Variants in HIF1A observed in about 807,000 individuals in gnomAD.
HIF1A encodes the protein hypoxia inducible factor 1 subunit alpha.
HIF1A carries 24 observed loss-of-function variants against 92.7 expected under a neutral mutation model. The ratio of observed to expected loss-of-function variants is 0.26; its 90% CI spans 0.19 to 0.36. The LOEUF (loss-of-function observed/expected upper bound fraction) is 0.36, where lower values mean the gene tolerates loss of function less well. HIF1A is among the 10% of genes least tolerant of loss of function. HIF1A has a pLI of 1.00. For synonymous variants in HIF1A, 319 were observed against 338.7 expected, an observed-to-expected ratio of 0.94 and a Z score of 0.64; for missense variants, 799 against 998.5, an observed-to-expected ratio of 0.80 and a Z score of 2.69.
At position 61,738,351 on chromosome 14, in the gene HIF1A, G is replaced by A. The variant is rs753967037; in HGVS notation, c.1514G>A (p.Ser505Asn). 1.2e-6 allele frequency: 2 copies of A among 1,608,890 alleles called. No homozygotes were observed. The highest frequency in any genetic ancestry group is 1.7e-6 in the Non-Finnish European group (2 of 1,177,384). Residue 505 changes from serine to asparagine, a missense_variant, in exon 10 of 15, where the codon AGC (serine) becomes AAC (asparagine). Ser to Asn is a conservative substitution (Grantham distance 46). This residue lies in a region of HIF1A where 516 missense variants were observed against 721.0 expected (regional missense o/e 0.72). Transcript: ENST00000337138. ...QDQTPSPSDGSTRQSSPEPNS... is the reference protein window; with the variant it reads ...QDQTPSPSDGNTRQSSPEPNS... ...CAGACACCTAGTCCTTCCGATGGAAGCACTAGACAAAGTTCACCTGAGGTA... is the reference window on the plus strand; with the variant it reads ...CAGACACCTAGTCCTTCCGATGGAAACACTAGACAAAGTTCACCTGAGGTA...
At chr14:61,743,739 C>G (rs2044742555) in intron 12 of HIF1A, among the ~76,000 whole-genome samples, 1 of 152,162 alleles carries the variant, frequency 6.6e-6, no homozygotes, top group African/African-American at 2.4e-5. Flanking sequence ...AGCTGATGTA[C>G]TTTACTCATT....
In HIF1A at chr14:61,734,186, A is replaced by G. The variant is rs1409017989; in HGVS notation, c.929A>G (p.Lys310Arg). The change falls in exon 8 of 15, where the codon AAA becomes AGA. Residue 310 changes from lysine (K) to arginine (R), a missense_variant. Around this residue, in one of 2 missense-constraint regions of HIF1A, gnomAD observed 516 missense variants for 721.0 expected, o/e 0.72. Transcript: ENST00000337138. ...VTTGQYRMLA[K>R]RGGYVWVETQ... Reference sequence around the variant, plus strand: ...ACAGGACAGTACAGGATGCTTGCCAAAAGAGGTGGATATGTCTGGGTTGAA... The same window carrying G: ...ACAGGACAGTACAGGATGCTTGCCAGAAGAGGTGGATATGTCTGGGTTGAA... 37 of 1,613,094 alleles carry G rather than the reference A, an allele frequency of 2.3e-5. No homozygotes were observed. Among genetic ancestry groups the G allele is most frequent in the Middle Eastern group, 3.3e-4 (2 of 6,056 alleles).
intron 1 of HIF1A, among the ~76,000 whole-genome samples, chr14:61,711,455 A>G (rs2044307439): frequency 6.6e-6 from 1 of 152,144 alleles, no homozygotes; most frequent in South Asian, 2.1e-4. Flanking sequence ...AAAAGACATG[A>G]GTGTAGATGA....
chr14:61,720,963 C>T (rs142678068), intron 2 of HIF1A, among the ~76,000 whole-genome samples: 3,155 of 152,168 alleles, frequency 0.021, 52 homozygotes, highest in Non-Finnish European at 0.03. Flanking sequence ...TGACTCAGGC[C>T]GGGCGCGGTG....
chr14:61,699,073 T>G (rs1452623058), intron 1 of HIF1A: 2 of 152,218 alleles, frequency 1.3e-5, no homozygotes, highest in Non-Finnish European at 2.9e-5. Flanking sequence ...AAAACTGTCC[T>G]TTGCTTATGA....
chr14:61,746,718 C>A (rs1315639202), intron 14 of HIF1A, among the ~76,000 whole-genome samples: 10 of 152,138 alleles, frequency 6.6e-5, no homozygotes, highest in African/African-American at 2.4e-4. Flanking sequence ...ATTGTTATTT[C>A]TTTGTGCCTT....
chr14:61,724,381 C>CTCTCTCTCTCTCTCTCTCT (rs71117849), intron 4 of HIF1A, among the ~76,000 whole-genome samples: 2 of 145,206 alleles, frequency 1.4e-5, no homozygotes, highest in Non-Finnish European at 3.1e-5. Flanking sequence ...CTCTCTCTCT[C>CTCTCTCTCTCTCTCTCTCT]CCCCTCCCTC....
chr14:61,739,727 A>G (rs2044683607), intron 10 of HIF1A, among the ~76,000 whole-genome samples: 1 of 152,250 alleles, frequency 6.6e-6, no homozygotes, highest in Non-Finnish European at 1.5e-5. Context: ...CTCTTAAAAT[A>G]GTAATAATGT....
chr14:61,697,609 T>C (rs2044131300), intron 1 of HIF1A: 1 of 1,001,152 alleles, frequency 1.0e-6, no homozygotes, highest in East Asian at 5.5e-5. Flanking sequence ...TCTGTTACTT[T>C]CAAAATTTTC....
intron 8 of HIF1A, among the ~76,000 whole-genome samples, chr14:61,735,438 C>T (rs1340935787): frequency 1.3e-5 from 2 of 152,178 alleles, no homozygotes; most frequent in African/African-American, 2.4e-5. Context: ...CTCTTCCTCA[C>T]ACCCCAGTCT....
At chr14:61,746,658 G>C (rs569336405) in intron 14 of HIF1A, among the ~76,000 whole-genome samples, 1 of 152,110 alleles carries the variant, frequency 6.6e-6, no homozygotes, top group Non-Finnish European at 1.5e-5. Flanking sequence ...GCCTGTGCTA[G>C]GATTACAGGC....
rs1432733445 is a variant in HIF1A at position 61,727,408 on chromosome 14, A to G, written c.571-45A>G. On this transcript the variant is annotated intron_variant, in intron 5 of 14. Transcript: ENST00000337138. ...ACTTATCTCTGCTTTTTTTTTCCCTAGCATTGTAAATATTTTTTTTAACTG... is the reference window on the plus strand; with the variant it reads ...ACTTATCTCTGCTTTTTTTTTCCCTGGCATTGTAAATATTTTTTTTAACTG... 2.1e-6 allele frequency: 3 copies of G among 1,409,016 alleles called. No homozygotes were observed. In the African/African-American group the frequency reaches 4.3e-5, roughly 20 times the overall value. The allele number at this position is 1,409,016 out of a possible 1,614,324, so 87.3% of individuals were successfully genotyped here. A position where few individuals can be genotyped will look rare whatever the true frequency, so the allele number is the denominator to read the frequency against.
chr14:61,707,438 T>A (rs956061065), intron 1 of HIF1A, among the ~76,000 whole-genome samples: 2 of 152,146 alleles, frequency 1.3e-5, no homozygotes, highest in Non-Finnish European at 2.9e-5. Context: ...GTATATCTCC[T>A]AATGCTATCC....
chr14:61,745,851 A>C (rs890801123), intron 14 of HIF1A, 34 bp downstream of exon 14: 1 of 1,537,156 alleles, frequency 6.5e-7, no homozygotes. Context: ...GAACATCACA[A>C]AGACAAAATA....
At chr14:61,716,733 C>CAG (rs112322849) in intron 1 of HIF1A, among the ~76,000 whole-genome samples, 1,733 of 152,084 alleles carry the variant, frequency 0.011, 36 homozygotes, top group African/African-American at 0.038. Context: ...CTTAATAAGA[C>CAG]GGGCTCAAAA....
chr14:61,744,616 C>A, intron 12 of HIF1A, 89 bp from the exon 13 acceptor site: 1 of 546,640 alleles, frequency 1.8e-6, no homozygotes. Flanking sequence ...TATTGGAGAA[C>A]TAAAGAATTA....
At chr14:61,734,082 G>A in intron 7 of HIF1A, 56 bp from the exon 8 acceptor site, 2 of 1,225,614 alleles carry the variant, frequency 1.6e-6, no homozygotes, top group Non-Finnish European at 2.2e-6. Flanking sequence ...TCATTTAATT[G>A]AAAATTCAAA....
intron 14 of HIF1A, among the ~76,000 whole-genome samples, chr14:61,746,448 A>C (rs1414795529): frequency 7.9e-6 from 1 of 126,944 alleles, no homozygotes; most frequent in African/African-American, 3.2e-5. Context: ...CCAGGCCTGG[A>C]GTGCAGTGGC....
In HIF1A at chr14:61,721,501, C is replaced by CT; in HGVS notation, c.227-3dup. ...CTAATTATTTTCCTCTTCTTGTGCC[C>CT]TTTTTAGGTGATTTGGATATTGAAG... On this transcript the variant is annotated splice_polypyrimidine_tract_variant and splice_region_variant and intron_variant, in intron 2 of 14. Transcript: ENST00000337138. 1 of 1,608,540 alleles carries CT rather than the reference C, an allele frequency of 6.2e-7. No individual in the cohort carries two copies. Among genetic ancestry groups the CT allele is most frequent in the East Asian group, 2.2e-5 (1 of 44,700 alleles).
Sources: allele counts gnomAD v4.1 joint callset (sites outside exome capture counted in the v4.1 genomes callset), GRCh38; gene constraint gnomAD v4.1.1; regional missense constraint gnomAD v4.1.1; transcripts MANE v1.5; gene names NCBI Gene and HGNC (gene_info 2026-07-23, HGNC 2026-07-21).